Variants in RNF17 observed in about 807,000 individuals in gnomAD.
RNF17 encodes the protein spermatogenesis associated 23.
In RNF17, 31 loss-of-function variants were observed where a neutral mutation model predicts 200.5. The ratio of observed to expected loss-of-function variants is 0.15; its 90% confidence interval spans 0.12 to 0.21. RNF17 has a LOEUF of 0.21. RNF17 is among the 10% of genes least tolerant of loss of function. The pLI, the probability that RNF17 is intolerant of heterozygous loss-of-function variation, is 1.00. For synonymous variants in RNF17, 606 were observed against 637.8 expected (o/e 0.95, Z 0.75); for missense variants, 1,628 against 1,905.1 (o/e 0.85, Z 2.71).
intron 15 of RNF17, among the ~76,000 whole-genome samples, chr13:24,807,381 G>T (rs1878293871): frequency 6.6e-6 from 1 of 151,650 alleles, no homozygotes; most frequent in Admixed American, 6.6e-5. Flanking sequence ...GTTTTGATTT[G>T]CATTTCTCTG....
intron 16 of RNF17, among the ~76,000 whole-genome samples, chr13:24,827,701 C>CAAAAAAAAAAA (rs538402990): frequency 1.1e-3 from 13 of 12,236 alleles, no homozygotes; most frequent in African/African-American, 2.9e-3. Flanking sequence ...GACTCCGTCT[C>CAAAAAAAAAAA]AAAAAAAAAA....
chr13:24,807,788 T>G (rs1329926894), intron 15 of RNF17, among the ~76,000 whole-genome samples: 3 of 152,058 alleles, frequency 2.0e-5, no homozygotes, highest in Non-Finnish European at 4.4e-5. Context: ...GGTCTAACGT[T>G]TAAGTCTTTA....
At chr13:24,850,727 A>G (rs913419251) in intron 23 of RNF17, among the ~76,000 whole-genome samples, 1 of 152,178 alleles carries the variant, frequency 6.6e-6, no homozygotes, top group African/African-American at 2.4e-5. Flanking sequence ...CTTTTTCCAT[A>G]TGAAGCAGAA....
intron 15 of RNF17, among the ~76,000 whole-genome samples, chr13:24,817,564 C>A (rs1458199698): frequency 4.0e-5 from 6 of 151,868 alleles, no homozygotes; most frequent in Non-Finnish European, 5.9e-5. Flanking sequence ...ACTAAAAATA[C>A]AAAAATTAGC....
chr13:24,802,714 G>C (rs1192886004), intron 14 of RNF17, 143 bp downstream of exon 14: 4 of 608,448 alleles, frequency 6.6e-6, no homozygotes, highest in Non-Finnish European at 8.3e-6. Context: ...AGACTTTTCT[G>C]AGTACAGTTG....
At chr13:24,788,600 G>C (rs1477356157) in intron 7 of RNF17, among the ~76,000 whole-genome samples, 2 of 152,076 alleles carry the variant, frequency 1.3e-5, no homozygotes, top group Non-Finnish European at 2.9e-5. Flanking sequence ...CAAAATCCTA[G>C]TCAAGTTTTT....
chr13:24,764,955 T>C (rs1487152621), intron 1 of RNF17, among the ~76,000 whole-genome samples: 1 of 151,002 alleles, frequency 6.6e-6, no homozygotes, highest in Non-Finnish European at 1.5e-5. Flanking sequence ...AAAAATACAC[T>C]GCACTATTAT....
intron 18 of RNF17, among the ~76,000 whole-genome samples, chr13:24,840,263 T>C (rs764190328): frequency 6.6e-6 from 1 of 152,196 alleles, no homozygotes; most frequent in African/African-American, 2.4e-5. Flanking sequence ...GGAACACTTC[T>C]ACACTGCTGG....
chr13:24,869,227 A>G (rs149100677), intron 31 of RNF17, among the ~76,000 whole-genome samples: 135 of 152,334 alleles, frequency 8.9e-4, no homozygotes, highest in African/African-American at 3.0e-3. Context: ...GTTCAATTAC[A>G]TGTCCTTGGC....
chr13:24,840,424 C>T (rs1425837183), intron 18 of RNF17, among the ~76,000 whole-genome samples: 4 of 152,162 alleles, frequency 2.6e-5, no homozygotes, highest in Admixed American at 1.3e-4. Flanking sequence ...CACTTGCACA[C>T]GCATGTTTAT....
intron 15 of RNF17, among the ~76,000 whole-genome samples, chr13:24,821,119 C>G (rs1432047498): frequency 6.6e-6 from 1 of 152,146 alleles, no homozygotes; most frequent in Non-Finnish European, 1.5e-5. Context: ...TTTTGTGCAC[C>G]TTTGCCTTTG....
chr13:24,827,068 A>T (rs1000701219), intron 16 of RNF17, among the ~76,000 whole-genome samples: 1 of 151,866 alleles, frequency 6.6e-6, no homozygotes, highest in African/African-American at 2.4e-5. Flanking sequence ...TTCAAGAAAA[A>T]AAAAAGAGAA....
intron 21 of RNF17, 65 bp downstream of exon 21, chr13:24,844,867 G>A: frequency 1.3e-6 from 2 of 1,568,728 alleles, no homozygotes; most frequent in Admixed American, 1.8e-5. Context: ...TTTTTTCCCT[G>A]GAGTTAAAAC....
At position 24,831,883 on chromosome 13, in the gene RNF17, T is replaced by C; in HGVS notation, c.2387T>C (p.Ile796Thr). 14 of 1,607,472 alleles carry C rather than the reference T, an allele frequency of 8.7e-6. No individual in the cohort carries two copies. Among genetic ancestry groups the C allele is most frequent in the East Asian group, 2.2e-5 (1 of 44,646 alleles). The part of the protein sequence containing the change: ...EKAIKCKLAY[I>T]EPYKRTMQWS... ...GCAATTAAATGTAAGTTGGCCTATA[T>C]TGAACCATATAAAAGGACAATGCAG... The change falls in exon 18 of 36, where the codon ATT (isoleucine) becomes ACT (threonine). Residue 796 changes from isoleucine (I) to threonine (T), a missense_variant. This residue lies in a region of RNF17 where 227 missense variants were observed against 319.8 expected (regional missense o/e 0.71). Coordinates refer to ENST00000255324, the MANE Select transcript of RNF17 (RefSeq NM_031277.3).
intron 32 of RNF17, among the ~76,000 whole-genome samples, chr13:24,873,852 A>G (rs1894570102): frequency 6.6e-6 from 1 of 152,188 alleles, no homozygotes; most frequent in Non-Finnish European, 1.5e-5. Context: ...AGTTAATATA[A>G]TGATCCATCC....
At chr13:24,771,299 G>A (rs1018807818) in intron 2 of RNF17, among the ~76,000 whole-genome samples, 7 of 147,292 alleles carry the variant, frequency 4.8e-5, no homozygotes, top group Admixed American at 4.2e-4. Flanking sequence ...GGACTAAAGG[G>A]GAGTACCACT....
intron 16 of RNF17, among the ~76,000 whole-genome samples, chr13:24,827,702 AAAAAAAAAAAAAAAAC>A (rs1305134855): frequency 9.9e-5 from 4 of 40,426 alleles, no homozygotes; most frequent in East Asian, 6.0e-4. Context: ...ACTCCGTCTC[AAAAAAAAAAAAAAAAC>A]AAAAAAAAAA....
rs530942306 is a variant in RNF17 at position 24,842,189 on chromosome 13, T to C, written c.2603+28T>C. 1.3e-5 allele frequency: 21 copies of C among 1,558,892 alleles called. No individual in the cohort carries two copies. The South Asian group carries it at 1.6e-4, about 12-fold the overall frequency. ...AAGTAGATATGTAAACTTTCATTGT[T>C]AGTTCATGTTCTTATGTAACATTGT... On this transcript the variant is annotated intron_variant, in intron 19 of 35. Coordinates refer to ENST00000255324, the MANE Select transcript of RNF17 (RefSeq NM_031277.3).
intron 29 of RNF17, among the ~76,000 whole-genome samples, chr13:24,865,932 C>T (rs572435806): frequency 6.6e-6 from 1 of 152,216 alleles, no homozygotes; most frequent in South Asian, 2.1e-4. Flanking sequence ...AATGAATTAG[C>T]TTTGACATGT....
Sources: allele counts gnomAD v4.1 joint callset (sites outside exome capture counted in the v4.1 genomes callset), GRCh38; gene constraint gnomAD v4.1.1; regional missense constraint gnomAD v4.1.1; transcripts MANE v1.5; gene names NCBI Gene and HGNC (gene_info 2026-07-23, HGNC 2026-07-21).